DOCK3: variants seen among roughly 807,000 people sequenced by gnomAD.
DOCK3 encodes dedicator of cytokinesis protein 3.
In DOCK3, 60 loss-of-function variants were observed where a neutral mutation model predicts 265.6. The ratio of observed to expected loss-of-function variants is 0.23; its 90% confidence interval spans 0.18 to 0.28. The LOEUF is 0.28. DOCK3 is among the 10% of genes least tolerant of loss of function. DOCK3 has a pLI of 1.00. For synonymous variants in DOCK3, 881 were observed against 938.0 expected (o/e 0.94, Z 1.11); for missense variants, 1,981 against 2,594.3 (o/e 0.76, Z 5.14).
intron 22 of DOCK3, among the ~76,000 whole-genome samples, chr3:51,248,800 C>G (rs2078977159): frequency 6.7e-6 from 1 of 149,840 alleles, no homozygotes; most frequent in Admixed American, 6.6e-5. Flanking sequence ...GCGTCTTTGC[C>G]CGGCCGCCCA....
Position 51,354,762 on chromosome 3 carries a change from GGCCT to G in DOCK3, c.4108-118_4108-115del. 2.1e-6 allele frequency: 3 copies of G among 1,458,460 alleles called. 1 individual carries two copies. The South Asian group carries it at 4.1e-5, about 20-fold the overall frequency. The allele number at this position is 1,458,460 out of a possible 1,614,324, so 90.3% of individuals were successfully genotyped here. A position where few individuals can be genotyped will look rare whatever the true frequency, so the allele number is the denominator to read the frequency against. On this transcript the variant is annotated intron_variant, in intron 40 of 52. Transcript: ENST00000266037. ...GTGCAATGCCCTGTGCCTGTCCCAG[GGCCT>G]GATACAGAGAAGGCTCCTAAGATAT...
In DOCK3 at chr3:51,228,097, C is replaced by G. The variant is rs374918895; in HGVS notation, c.1647+9C>G. ...AGCTTTATGTGTACAAGGTATGAAG[C>G]CTAGCTGCCTTTCATCCCCACCCCT... is the stretch of plus-strand genomic sequence containing the variant. On this transcript the variant is annotated intron_variant, in intron 17 of 52. Transcript: ENST00000266037. The G allele has an allele frequency of 3.1e-6, 5 of 1,613,288 alleles. No homozygotes were observed. The highest frequency in any genetic ancestry group is 4.2e-6 in the Non-Finnish European group (5 of 1,179,388).
intron 17 of DOCK3, among the ~76,000 whole-genome samples, chr3:51,228,313 C>A (rs190303809): frequency 4.5e-4 from 69 of 152,326 alleles, no homozygotes; most frequent in Admixed American, 1.2e-3. Flanking sequence ...CTTCTCACTT[C>A]ACTGGATGGA....
rs576558798 is a variant in DOCK3 at position 51,150,718 on chromosome 3, C to T, written c.828+4088C>T. Among the ~76,000 whole-genome samples, 4 of 152,312 alleles carry T rather than the reference C, an allele frequency of 2.6e-5. No homozygotes were observed. The East Asian group carries it at 7.7e-4, about 29-fold the overall frequency. On this transcript the variant is annotated intron_variant, in intron 10 of 52. Transcript: ENST00000266037. Reference sequence around the variant, plus strand: ...TCTGAGAGACAGTTTATTGTGATTTCTGTTCTTTTACATTTGCTGAGGAGT... The same window carrying T: ...TCTGAGAGACAGTTTATTGTGATTTTTGTTCTTTTACATTTGCTGAGGAGT...
chr3:51,336,375 A>C (rs1464015621), intron 35 of DOCK3, among the ~76,000 whole-genome samples: 1 of 151,764 alleles, frequency 6.6e-6, no homozygotes, highest in African/African-American at 2.4e-5. Flanking sequence ...ACAGGGACAG[A>C]GCTAGAGTTG....
chr3:51,004,054 A>G (rs551514142), intron 5 of DOCK3, among the ~76,000 whole-genome samples: 13 of 152,240 alleles, frequency 8.5e-5, no homozygotes, highest in Admixed American at 5.2e-4. Context: ...CTCCCATGAA[A>G]TACCCTCCAC....
chr3:50,882,357 A>G (rs1169162101), intron 3 of DOCK3, among the ~76,000 whole-genome samples: 1 of 152,226 alleles, frequency 6.6e-6, no homozygotes, highest in Non-Finnish European at 1.5e-5. Flanking sequence ...ACAGTTTTAC[A>G]ATCTACCCAT....
At chr3:51,263,366 A>T (rs1261910161) in intron 23 of DOCK3, among the ~76,000 whole-genome samples, 1 of 152,190 alleles carries the variant, frequency 6.6e-6, no homozygotes, top group African/African-American at 2.4e-5. Context: ...AGACAAGCAA[A>T]TGCTGAGAGA....
intron 3 of DOCK3, among the ~76,000 whole-genome samples, chr3:50,846,425 A>G (rs1169145550): frequency 6.6e-6 from 1 of 152,152 alleles, no homozygotes; most frequent in African/African-American, 2.4e-5. Context: ...TATTTTGTTG[A>G]GGATTTTGGT....
At chr3:51,279,316 T>C (rs990541210) in intron 26 of DOCK3, among the ~76,000 whole-genome samples, 1 of 152,180 alleles carries the variant, frequency 6.6e-6, no homozygotes, top group Admixed American at 6.5e-5. Context: ...AAACCTGTTG[T>C]CACTTTCTCA....
intron 9 of DOCK3, 112 bp downstream of exon 9, chr3:51,090,496 T>C (rs112195040): frequency 0.011 from 12,244 of 1,133,212 alleles, 162 homozygotes; most frequent in African/African-American, 0.047. Flanking sequence ...CAAGATAAAG[T>C]AACCTCATCT....
intron 7 of DOCK3, among the ~76,000 whole-genome samples, chr3:51,078,773 C>T (rs2082133815): frequency 6.6e-6 from 1 of 152,142 alleles, no homozygotes; most frequent in African/African-American, 2.4e-5. Context: ...TGCTCTTTAA[C>T]TCCTTTTCAG....
intron 49 of DOCK3, among the ~76,000 whole-genome samples, chr3:51,368,460 G>A (rs2087421497): frequency 6.6e-6 from 1 of 152,346 alleles, no homozygotes; most frequent in East Asian, 1.9e-4. Context: ...CTCACTGCTA[G>A]CACAGCAGTC....
chr3:50,956,252 A>G (rs2076726383), intron 5 of DOCK3, among the ~76,000 whole-genome samples: 1 of 152,212 alleles, frequency 6.6e-6, no homozygotes, highest in African/African-American at 2.4e-5. Flanking sequence ...GTGGTTGGAG[A>G]GCAACTCCAA....
chr3:50,886,681 C>T (rs557955077), intron 3 of DOCK3, among the ~76,000 whole-genome samples: 15 of 150,730 alleles, frequency 1.0e-4, no homozygotes, highest in Non-Finnish European at 2.9e-5. Context: ...TTTGTCCTTG[C>T]GATAGTTTAC....
At chr3:50,894,985 G>T (rs1352337512) in intron 4 of DOCK3, among the ~76,000 whole-genome samples, 1 of 152,028 alleles carries the variant, frequency 6.6e-6, no homozygotes, top group Non-Finnish European at 1.5e-5. Context: ...TATTCTGACT[G>T]CTAAGTGATT....
chr3:51,134,952 A>G (rs1354489398), intron 9 of DOCK3, among the ~76,000 whole-genome samples: 1 of 152,208 alleles, frequency 6.6e-6, no homozygotes, highest in Non-Finnish European at 1.5e-5. Flanking sequence ...AAAGATCAAG[A>G]GCAATTAGGC....
chr3:50,997,654 T>C (rs999206831), intron 5 of DOCK3, among the ~76,000 whole-genome samples: 1 of 152,216 alleles, frequency 6.6e-6, no homozygotes, highest in Non-Finnish European at 1.5e-5. Context: ...AAATTCCCCC[T>C]GACACCTGAG....
At chr3:51,355,149 A>T (rs2086276760) in intron 41 of DOCK3, 126 bp downstream of exon 41, 5 of 1,316,976 alleles carry the variant, frequency 3.8e-6, no homozygotes, top group Non-Finnish European at 5.1e-6. Context: ...CCTAAACCTG[A>T]GTGTGTCCTC....
Sources: allele counts gnomAD v4.1 joint callset (sites outside exome capture counted in the v4.1 genomes callset), GRCh38; gene constraint gnomAD v4.1.1; transcripts MANE v1.5; gene names NCBI Gene and HGNC (gene_info 2026-07-23, HGNC 2026-07-21).